Variants in EHBP1 observed in about 807,000 individuals in gnomAD.
EHBP1 encodes EH domain-binding protein 1.
A neutral mutation model predicts 144.0 loss-of-function variants in EHBP1; 55 were observed. The ratio of observed to expected loss-of-function variants is 0.38; its 90% CI spans 0.31 to 0.48. EHBP1 has a LOEUF of 0.48. Ranked by LOEUF, EHBP1 falls within the 20% of genes least tolerant of loss-of-function variation. The pLI, the probability that EHBP1 is intolerant of heterozygous loss-of-function variation, is 0.98. For missense variants in EHBP1, 1,200 were observed against 1,364.2 expected, an observed-to-expected ratio of 0.88 and a Z score of 1.90; for synonymous variants, 469 against 472.7, an observed-to-expected ratio of 0.99 and a Z score of 0.10.
At position 63,045,603 on chromosome 2, in the gene EHBP1, G is replaced by A; in HGVS notation, c.*103G>A. 1 of 963,524 alleles carries A rather than the reference G, an allele frequency of 1.0e-6. No individual in the cohort carries two copies. The highest frequency in any genetic ancestry group is 2.6e-5 in the East Asian group (1 of 37,870). The allele number at this position is 963,524 out of a possible 1,614,324, so 59.7% of individuals were successfully genotyped here. On this transcript the variant is annotated 3_prime_UTR_variant, in exon 23 of 23. Coordinates refer to ENST00000431489, the MANE Select transcript of EHBP1 (RefSeq NM_001142616.3). The surrounding 1 kb of genome is among the most constrained non-coding windows in gnomAD (Gnocchi z 5.7). ...ATTTAAAACTTTTAACATTTTGTTT[G>A]GCTGGATTGTACTACTTTACCTCTA...
chr2:63,017,094 T>C (rs929696274), intron 19 of EHBP1, among the ~76,000 whole-genome samples: 1 of 152,234 alleles, frequency 6.6e-6, no homozygotes, highest in Non-Finnish European at 1.5e-5. Context: ...CCTCAGTTTG[T>C]ACACTAATAG....
rs539537141 is a variant in EHBP1 at position 62,850,888 on chromosome 2, A to G, written c.635-8281A>G. Among the ~76,000 whole-genome samples, 3 of 152,350 alleles carry G rather than the reference A, an allele frequency of 2.0e-5. 1 individual carries two copies. The highest frequency in any genetic ancestry group is 3.9e-4 in the East Asian group (2 of 5,192). ...AGAAGGAGAAATACATAACAAAATT[A>G]TATATTTTAGGGTTTTGACCCACAT... On this transcript the variant is annotated intron_variant, in intron 7 of 22. Transcript: ENST00000431489.
At chr2:62,909,113 T>C (rs1017142174) in intron 10 of EHBP1, among the ~76,000 whole-genome samples, 2 of 152,226 alleles carry the variant, frequency 1.3e-5, no homozygotes, top group African/African-American at 4.8e-5. Context: ...TACCGTTTTG[T>C]TACATGAATA....
At chr2:62,687,695 A>G (rs2033764252) in intron 1 of EHBP1, among the ~76,000 whole-genome samples, 1 of 152,282 alleles carries the variant, frequency 6.6e-6, no homozygotes, top group African/African-American at 2.4e-5. Context: ...GCTATGTTCT[A>G]TGAAATGGTT....
intron 19 of EHBP1, among the ~76,000 whole-genome samples, chr2:63,008,140 A>C (rs141003683): frequency 1.3e-5 from 2 of 151,868 alleles, no homozygotes; most frequent in Admixed American, 6.6e-5. Context: ...AATTTAAATA[A>C]ATTTTACTTT....
chr2:62,959,909 T>C (rs1454563574), intron 14 of EHBP1, among the ~76,000 whole-genome samples: 3 of 152,308 alleles, frequency 2.0e-5, no homozygotes, highest in African/African-American at 4.8e-5. Context: ...ATTTTAATAA[T>C]TGCTGTTGTA....
At chr2:62,712,901 C>A (rs1020867059) in intron 2 of EHBP1, among the ~76,000 whole-genome samples, 2 of 151,960 alleles carry the variant, frequency 1.3e-5, no homozygotes, top group African/African-American at 4.8e-5. Context: ...GCACATATCC[C>A]AATATATTTT....
chr2:62,856,315 C>T (rs1427913542), intron 7 of EHBP1, among the ~76,000 whole-genome samples: 1 of 152,240 alleles, frequency 6.6e-6, no homozygotes, highest in Non-Finnish European at 1.5e-5. Flanking sequence ...GTGACTCCCG[C>T]TTTGGGGCCC....
intron 10 of EHBP1, among the ~76,000 whole-genome samples, chr2:62,886,239 T>A (rs949047188): frequency 7.2e-5 from 11 of 152,180 alleles, no homozygotes; most frequent in Admixed American, 7.2e-4. Flanking sequence ...AAACACACAA[T>A]CAATGTGTTA....
intron 4 of EHBP1, among the ~76,000 whole-genome samples, chr2:62,765,037 TC>T (rs1361896331): frequency 3.3e-5 from 5 of 152,254 alleles, no homozygotes; most frequent in Non-Finnish European, 7.4e-5. Context: ...CAATGGCTCT[TC>T]AAGCTATTTT....
chr2:63,038,193 C>T (rs2061522328), intron 20 of EHBP1, among the ~76,000 whole-genome samples: 1 of 152,034 alleles, frequency 6.6e-6, no homozygotes, highest in African/African-American at 2.4e-5. Flanking sequence ...CCTTTCTGCT[C>T]ACTAGCAGTA....
chr2:62,712,104 T>C (rs111813879), intron 2 of EHBP1, among the ~76,000 whole-genome samples: 3,414 of 152,032 alleles, frequency 0.022, 89 homozygotes, highest in African/African-American at 0.069. Context: ...GATGATGTGG[T>C]GGGAGAGGAG....
intron 15 of EHBP1, among the ~76,000 whole-genome samples, chr2:62,979,568 A>G (rs1366764659): frequency 6.6e-6 from 1 of 152,236 alleles, no homozygotes; most frequent in Non-Finnish European, 1.5e-5. Flanking sequence ...CTCTCTTAGA[A>G]TATGCTTTTG....
intron 2 of EHBP1, among the ~76,000 whole-genome samples, chr2:62,730,834 A>G: frequency 7.6e-6 from 1 of 132,054 alleles, no homozygotes; most frequent in Non-Finnish European, 1.7e-5. Context: ...AGAGAGAAAC[A>G]GAGAGACGGA....
chr2:62,850,233 A>G (rs1224284726), intron 7 of EHBP1, among the ~76,000 whole-genome samples: 1 of 152,224 alleles, frequency 6.6e-6, no homozygotes. Flanking sequence ...ACATACCTGA[A>G]TCTCGTTATA....
chr2:62,839,714 A>G (rs1340408507), intron 7 of EHBP1, among the ~76,000 whole-genome samples: 1 of 152,190 alleles, frequency 6.6e-6, no homozygotes, highest in African/African-American at 2.4e-5. Flanking sequence ...AGAGAGCCAA[A>G]TCATGAGTCA....
chr2:62,851,483 C>T (rs2048692502), intron 7 of EHBP1, among the ~76,000 whole-genome samples: 1 of 152,184 alleles, frequency 6.6e-6, no homozygotes, highest in Non-Finnish European at 1.5e-5. Flanking sequence ...CTGAGTTATA[C>T]ATCTCTCTTT....
chr2:62,902,223 T>TA (rs2053470760), intron 10 of EHBP1, among the ~76,000 whole-genome samples: 1 of 152,042 alleles, frequency 6.6e-6, no homozygotes, highest in South Asian at 2.1e-4. Flanking sequence ...CATGAATAAA[T>TA]ACGATTAAGG....
At chr2:62,866,226 G>A (rs2050024964) in intron 9 of EHBP1, among the ~76,000 whole-genome samples, 1 of 152,234 alleles carries the variant, frequency 6.6e-6, no homozygotes, top group African/African-American at 2.4e-5. Context: ...TTAAAGGCAA[G>A]GCTCAAAAGA....
Sources: gnomAD v4.1 joint callset for allele counts (sites outside exome capture counted in the v4.1 genomes callset) on GRCh38, gnomAD v4.1.1 for gene constraint, Gnocchi (gnomAD v3.1) non-coding constraint, MANE v1.5 for transcripts, NCBI Gene and HGNC (gene_info 2026-07-23, HGNC 2026-07-21) for gene names.